Variants in MACROD2 observed in about 807,000 individuals in gnomAD.
The protein encoded by MACROD2 is mono-ADP ribosylhydrolase 2.
MACROD2 carries 36 observed loss-of-function variants against 70.4 expected under a neutral mutation model. That is an observed-to-expected ratio of 0.51 (90% confidence interval 0.39 to 0.68). The LOEUF is 0.68. MACROD2 is among the 30% of genes least tolerant of loss of function. The probability of loss-of-function intolerance (pLI) is 0.00; values close to 1 mark genes in which losing one functional copy is unlikely to be tolerated. For missense variants in MACROD2, 496 were observed against 538.4 expected (o/e 0.92, Z 0.78); for synonymous variants, 172 against 178.8 (o/e 0.96, Z 0.30).
chr20:14,409,570 A>T (rs550092183), intron 3 of MACROD2, among the ~76,000 whole-genome samples: 2 of 152,180 alleles, frequency 1.3e-5, no homozygotes, highest in South Asian at 4.1e-4. Context: ...GCAGAGACAG[A>T]TCATAACCTC....
chr20:15,566,331 A>G (rs373139857), intron 8 of MACROD2, among the ~76,000 whole-genome samples: 1 of 151,950 alleles, frequency 6.6e-6, no homozygotes, highest in Non-Finnish European at 1.5e-5. Context: ...CGTCTCTACT[A>G]AAAAACAAAA....
At chr20:15,954,219 A>G (rs1311919200) in intron 12 of MACROD2, among the ~76,000 whole-genome samples, 3 of 152,014 alleles carry the variant, frequency 2.0e-5, no homozygotes, top group African/African-American at 7.3e-5. Context: ...TGCCCATAAT[A>G]CCCTCAGGTT....
intron 12 of MACROD2, among the ~76,000 whole-genome samples, chr20:15,957,595 A>G (rs573152243): frequency 9.9e-5 from 15 of 152,266 alleles, no homozygotes; most frequent in Non-Finnish European, 1.8e-4. Flanking sequence ...ATCTTTAGCA[A>G]CTAGTTATTA....
intron 8 of MACROD2, among the ~76,000 whole-genome samples, chr20:15,823,275 CGTGTGTGTGT>C (rs11471023): frequency 3.7e-4 from 48 of 128,742 alleles, no homozygotes; most frequent in Middle Eastern, 4.3e-3. Context: ...GTGAGCTCTT[CGTGTGTGTGT>C]GTGTGTGTGT....
chr20:14,201,511 G>C (rs1195268170), intron 3 of MACROD2, among the ~76,000 whole-genome samples: 2 of 152,088 alleles, frequency 1.3e-5, no homozygotes, highest in Non-Finnish European at 2.9e-5. Context: ...CCTCACTGAT[G>C]ATAGTTTATT....
At chr20:15,585,620 C>T (rs537288220) in intron 8 of MACROD2, among the ~76,000 whole-genome samples, 1 of 152,272 alleles carries the variant, frequency 6.6e-6, no homozygotes, top group African/African-American at 2.4e-5. Context: ...CAAGCTCTCT[C>T]CCCCAGGGAT....
chr20:15,346,006 T>C (rs1310114988), intron 6 of MACROD2, among the ~76,000 whole-genome samples: 1 of 152,150 alleles, frequency 6.6e-6, no homozygotes, highest in Non-Finnish European at 1.5e-5. Flanking sequence ...GTTTACTACT[T>C]AGGAGATCTT....
chr20:14,889,147 T>C (rs982352387), intron 5 of MACROD2, among the ~76,000 whole-genome samples: 3 of 152,174 alleles, frequency 2.0e-5, no homozygotes, highest in Non-Finnish European at 4.4e-5. Flanking sequence ...GCTAAAAGCA[T>C]GGATACTGTT....
intron 17 of MACROD2, among the ~76,000 whole-genome samples, chr20:16,046,532 C>G (rs1048515742): frequency 6.6e-6 from 1 of 151,994 alleles, no homozygotes; most frequent in Non-Finnish European, 1.5e-5. Flanking sequence ...TTTTTTCTTA[C>G]AGACATTATT....
At chr20:15,275,162 A>C (rs552650224) in intron 6 of MACROD2, among the ~76,000 whole-genome samples, 3 of 152,306 alleles carry the variant, frequency 2.0e-5, no homozygotes, top group Admixed American at 6.5e-5. Flanking sequence ...TTTAATTGGC[A>C]TGGGATGGGT....
At chr20:14,018,199 G>T (rs558864089) in intron 2 of MACROD2, among the ~76,000 whole-genome samples, 1 of 151,554 alleles carries the variant, frequency 6.6e-6, no homozygotes, top group Admixed American at 6.6e-5. Flanking sequence ...ACAGCTAAAG[G>T]TTTGTCAATA....
chr20:15,851,045 T>G (rs949453162), intron 8 of MACROD2, among the ~76,000 whole-genome samples: 1 of 151,762 alleles, frequency 6.6e-6, no homozygotes, highest in African/African-American at 2.4e-5. Flanking sequence ...TTGGAAATGA[T>G]GGAAAAAATG....
chr20:15,217,607 T>A (rs1271376282), intron 5 of MACROD2, among the ~76,000 whole-genome samples: 1 of 152,184 alleles, frequency 6.6e-6, no homozygotes, highest in African/African-American at 2.4e-5. Flanking sequence ...TTCCCATTTT[T>A]ACTGCCGCTA....
At chr20:15,562,844 C>A (rs1472801048) in intron 8 of MACROD2, among the ~76,000 whole-genome samples, 1 of 152,012 alleles carries the variant, frequency 6.6e-6, no homozygotes, top group East Asian at 1.9e-4. Flanking sequence ...TGGATTTGGG[C>A]AATTTGGGGA....
intron 5 of MACROD2, among the ~76,000 whole-genome samples, chr20:15,118,186 T>C (rs1278064550): frequency 2.6e-5 from 3 of 114,492 alleles, no homozygotes; most frequent in Non-Finnish European, 5.0e-5. Flanking sequence ...TGAGCTTTTT[T>C]TAATTTTAAA....
chr20:16,032,762 A>G (rs200298940), intron 15 of MACROD2, among the ~76,000 whole-genome samples: 17,052 of 52,740 alleles, frequency 0.32, 1,155 homozygotes, highest in Non-Finnish European at 0.34. Flanking sequence ...AGGAGGGAAG[A>G]GAGGAAGGAA....
chr20:15,618,715 A>C (rs2146724679), intron 8 of MACROD2, among the ~76,000 whole-genome samples: 1 of 152,320 alleles, frequency 6.6e-6, no homozygotes, highest in East Asian at 1.9e-4. Context: ...TGGCTGCAAA[A>C]GATGGGAGGG....
intron 6 of MACROD2, among the ~76,000 whole-genome samples, chr20:15,417,057 T>A (rs2046161944): frequency 6.6e-6 from 1 of 152,136 alleles, no homozygotes; most frequent in South Asian, 2.1e-4. Context: ...AAAACAGACG[T>A]GTCAAGACTC....
chr20:15,986,947 A>G (rs2066492889), intron 14 of MACROD2, 119 bp from the exon 15 acceptor site: 2 of 1,054,052 alleles, frequency 1.9e-6, no homozygotes, highest in African/African-American at 1.6e-5. Flanking sequence ...AACTTGGTGT[A>G]CCTATTGAAA....
Sources: allele counts gnomAD v4.1 joint callset (sites outside exome capture counted in the v4.1 genomes callset), GRCh38; gene constraint gnomAD v4.1.1; transcripts MANE v1.5; gene names NCBI Gene and HGNC (gene_info 2026-07-23, HGNC 2026-07-21).